The following ASCC3 variants were observed in gnomAD, a reference collection of about 807,000 sequenced individuals.
The protein encoded by ASCC3 is activating signal cointegrator 1 complex subunit 3.
A neutral mutation model predicts 256.3 loss-of-function variants in ASCC3; 158 were observed. The ratio of observed to expected loss-of-function variants is 0.62; its 90% confidence interval spans 0.54 to 0.70. ASCC3 has a LOEUF of 0.70. ASCC3 is among the 30% of genes least tolerant of loss of function. The pLI, the probability that ASCC3 is intolerant of heterozygous loss-of-function variation, is 0.00. For missense variants in ASCC3, 2,259 were observed against 2,626.0 expected (o/e 0.86, Z 3.05); for synonymous variants, 948 against 883.4 (o/e 1.07, Z -1.30).
At chr6:100,813,982 T>G (rs1176804745) in intron 4 of ASCC3, among the ~76,000 whole-genome samples, 2 of 152,150 alleles carry the variant, frequency 1.3e-5, no homozygotes, top group Non-Finnish European at 2.9e-5. Context: ...CAATACTAAG[T>G]TGAATAGGTG....
intron 5 of ASCC3, among the ~76,000 whole-genome samples, chr6:100,805,225 G>T (rs1033617679): frequency 6.6e-6 from 1 of 152,070 alleles, no homozygotes. Context: ...CAATATGAAT[G>T]CAGCTGGAGG....
At chr6:100,641,408 T>C (rs1435898541) in intron 24 of ASCC3, among the ~76,000 whole-genome samples, 1 of 152,210 alleles carries the variant, frequency 6.6e-6, no homozygotes, top group African/African-American at 2.4e-5. Flanking sequence ...TGTGAGATGG[T>C]ATCTCACTGT....
rs1478615680 is a variant in ASCC3, at chr6:100,516,202, A to AG, written c.6052dup (p.Leu2018ProfsTer26). On this transcript the variant is annotated frameshift_variant, in exon 39 of 42. Coordinates refer to ENST00000369162, the MANE Select transcript of ASCC3 (RefSeq NM_006828.4). LOFTEE classifies it high-confidence loss of function. Reference sequence around the variant, plus strand: ...TACCTGTTTCGTTTTTGCAGCATGTAGCTCACTTTCTACCATGGAGCTAAA... The same window carrying AG: ...TACCTGTTTCGTTTTTGCAGCATGTAGGCTCACTTTCTACCATGGAGCTAAA... 1 of 1,613,616 alleles carries AG rather than the reference A, an allele frequency of 6.2e-7. No homozygotes were observed. Among genetic ancestry groups the AG allele is most frequent in the Non-Finnish European group, 8.5e-7 (1 of 1,179,680 alleles).
chr6:100,608,145 T>TATGTATATATA (rs769880521), intron 30 of ASCC3, among the ~76,000 whole-genome samples: 1 of 110,428 alleles, frequency 9.1e-6, no homozygotes, highest in African/African-American at 3.8e-5. Context: ...TGTATATATA[T>TATGTATATATA]CTATATATAC....
At chr6:100,766,826 A>G (rs1430396093) in intron 9 of ASCC3, 121 bp from the exon 10 acceptor site, 1 of 1,200,170 alleles carries the variant, frequency 8.3e-7, no homozygotes, top group African/African-American at 1.5e-5. Flanking sequence ...CCAGTGAAAA[A>G]TCTTAATAGT....
At chr6:100,568,535 TAG>T (rs1306282325) in intron 36 of ASCC3, among the ~76,000 whole-genome samples, 1 of 151,970 alleles carries the variant, frequency 6.6e-6, no homozygotes, top group African/African-American at 2.4e-5. Context: ...CATTTTTAAA[TAG>T]AGTTATTTCG....
At chr6:100,644,158 T>C in intron 22 of ASCC3, 29 bp from the exon 23 acceptor site, 1 of 1,449,864 alleles carries the variant, frequency 6.9e-7, no homozygotes, top group Non-Finnish European at 9.7e-7. Context: ...CCTGCTACTA[T>C]GCATATCATA....
At chr6:100,581,737 A>C (rs1297338296) in intron 36 of ASCC3, among the ~76,000 whole-genome samples, 1 of 151,982 alleles carries the variant, frequency 6.6e-6, no homozygotes, top group Non-Finnish European at 1.5e-5. Flanking sequence ...TAAGTCTTTA[A>C]TCCATCTTGG....
At chr6:100,633,244 C>T (rs1333283154) in intron 25 of ASCC3, among the ~76,000 whole-genome samples, 1 of 152,146 alleles carries the variant, frequency 6.6e-6, no homozygotes, top group Non-Finnish European at 1.5e-5. Context: ...CAGCCTGGAA[C>T]ATGAATCATC....
At chr6:100,860,707 T>C (rs1365951920) in intron 3 of ASCC3, among the ~76,000 whole-genome samples, 1 of 151,994 alleles carries the variant, frequency 6.6e-6, no homozygotes, top group Non-Finnish European at 1.5e-5. Context: ...AAAATAATTA[T>C]GAAACAAGTA....
intron 30 of ASCC3, among the ~76,000 whole-genome samples, chr6:100,622,192 T>C (rs1254593816): frequency 6.6e-6 from 1 of 152,084 alleles, no homozygotes; most frequent in East Asian, 1.9e-4. Context: ...TGTTCACCTA[T>C]TGATATGGTT....
At chr6:100,564,089 T>A (rs1770102521) in intron 36 of ASCC3, among the ~76,000 whole-genome samples, 1 of 151,952 alleles carries the variant, frequency 6.6e-6, no homozygotes, top group Non-Finnish European at 1.5e-5. Flanking sequence ...TTCACTATAA[T>A]GTTTTTATTT....
rs553902441 is a variant in ASCC3 at position 100,663,841 on chromosome 6, C to T, written c.2287-1305G>A. Among the ~76,000 whole-genome samples the T allele has an allele frequency of 9.1e-4, 139 of 152,088 alleles. 1 individual carries two copies. Among genetic ancestry groups the T allele is most frequent in the African/African-American group, 3.2e-3 (134 of 41,526 alleles). On this transcript the variant is annotated intron_variant, in intron 14 of 41. Transcript: ENST00000369162. ...GCTTTAAATTTGTGGGTGGAAGACA[C>T]GAAAACAAAAACGCACTTAATTGAC...
intron 36 of ASCC3, among the ~76,000 whole-genome samples, chr6:100,557,801 A>T (rs1769688245): frequency 6.6e-6 from 1 of 152,158 alleles, no homozygotes; most frequent in East Asian, 1.9e-4. Flanking sequence ...CAACAAGGTG[A>T]CTATAGTCAA....
chr6:100,739,783 T>C (rs1780342168), intron 10 of ASCC3, among the ~76,000 whole-genome samples: 1 of 152,220 alleles, frequency 6.6e-6, no homozygotes, highest in South Asian at 2.1e-4. Flanking sequence ...AGTGGTGACA[T>C]ATCCCTTATC....
At chr6:100,538,965 G>T (rs1775302267) in intron 37 of ASCC3, among the ~76,000 whole-genome samples, 1 of 152,050 alleles carries the variant, frequency 6.6e-6, no homozygotes, top group Non-Finnish European at 1.5e-5. Context: ...ACCAAAACCG[G>T]CTCTTCTGAC....
chr6:100,805,385 G>A lies in ASCC3; in HGVS notation c.922+375C>T, dbSNP rs937016704. Among the ~76,000 whole-genome samples the A allele has an allele frequency of 2.6e-5, 4 of 151,812 alleles. No homozygotes were observed. The South Asian group carries it at 6.2e-4, about 24-fold the overall frequency. ...GGGGAGCGAGAGGGAGTAGGGAAAG[G>A]GCTAAAAAACTACCTGTCAAGAACT... On this transcript the variant is annotated intron_variant, in intron 5 of 41. Transcript: ENST00000369162.
chr6:100,522,350 A>G (rs1774355528), intron 37 of ASCC3, among the ~76,000 whole-genome samples: 1 of 152,156 alleles, frequency 6.6e-6, no homozygotes, highest in Non-Finnish European at 1.5e-5. Context: ...AAATTATACT[A>G]TAACTAAAAC....
At chr6:100,872,649 A>G (rs540029926) in intron 1 of ASCC3, among the ~76,000 whole-genome samples, 1 of 152,270 alleles carries the variant, frequency 6.6e-6, no homozygotes, top group South Asian at 2.1e-4. Context: ...AGGGCCCAGG[A>G]TATACCCCAA....
Sources: gnomAD v4.1 joint callset for allele counts (sites outside exome capture counted in the v4.1 genomes callset) on GRCh38, gnomAD v4.1.1 for gene constraint, MANE v1.5 for transcripts, NCBI Gene and HGNC (gene_info 2026-07-23, HGNC 2026-07-21) for gene names.